The following CPAMD8 variants were observed in gnomAD, a reference collection of about 807,000 sequenced individuals.
The protein encoded by CPAMD8 is C3 and PZP-like alpha-2-macroglobulin domain-containing protein 8.
A neutral mutation model predicts 224.7 loss-of-function variants in CPAMD8; 146 were observed. The observed-to-expected ratio is 0.65, with a 90% confidence interval of 0.57 to 0.75. CPAMD8 has a LOEUF of 0.75. Ranked by LOEUF, CPAMD8 falls within the 30% of genes least tolerant of loss-of-function variation. CPAMD8 has a pLI of 0.00. For synonymous variants in CPAMD8, 966 were observed against 1,044.6 expected, an observed-to-expected ratio of 0.92 and a Z score of 1.45; for missense variants, 2,301 against 2,537.5, an observed-to-expected ratio of 0.91 and a Z score of 2.00.
At chr19:16,948,604 G>GGGCACCTGTAATCCCAGCTACTCAGGA (rs1407623088) in intron 20 of CPAMD8, among the ~76,000 whole-genome samples, 1 of 151,558 alleles carries the variant, frequency 6.6e-6, no homozygotes, top group East Asian at 1.9e-4. Flanking sequence ...GCGTAGTGCT[G>GGGCACCTGTAATCCCAGCTACTCAGGA]GGCACCTGTA....
chr19:17,002,427 G>T, intron 8 of CPAMD8, 77 bp from the exon 9 acceptor site: 1 of 930,528 alleles, frequency 1.1e-6, no homozygotes, highest in South Asian at 1.4e-5. Context: ...CCGGTGCAAG[G>T]TGTCTGAGGA....
rs1439089158 is a variant in CPAMD8, at chr19:17,011,720, A to C, written c.305T>G (p.Val102Gly). The change falls in exon 4 of 42, where the codon GTG becomes GGG. Residue 102 changes from valine (V) to glycine (G), a missense_variant. Around this residue, in one of 4 missense-constraint regions of CPAMD8, gnomAD observed 283 missense variants for 340.6 expected, o/e 0.83. Coordinates refer to ENST00000443236, the MANE Select transcript of CPAMD8 (RefSeq NM_015692.5). Reference sequence around the variant, plus strand: ...CTCCGCCTGCCAGCCGCGGCCCCACACTTTCAGAAGCGCTTGGCCCCGGAG... The same window carrying C: ...CTCCGCCTGCCAGCCGCGGCCCCACCCTTTCAGAAGCGCTTGGCCCCGGAG... ...TGLRGQALLK[V>G]WGRGWQAEEG... 6.2e-7 allele frequency: 1 copy of C among 1,613,992 alleles called. No homozygotes were observed. The highest frequency in any genetic ancestry group is 8.5e-7 in the Non-Finnish European group (1 of 1,179,996).
intron 17 of CPAMD8, among the ~76,000 whole-genome samples, chr19:16,972,631 T>C (rs2055105394): frequency 6.6e-6 from 1 of 152,102 alleles, no homozygotes; most frequent in Non-Finnish European, 1.5e-5. Context: ...AGACGGGGTT[T>C]CACTGTGTTA....
chr19:16,964,971 G>A (rs892890075), intron 18 of CPAMD8, among the ~76,000 whole-genome samples: 1 of 152,038 alleles, frequency 6.6e-6, no homozygotes, highest in Non-Finnish European at 1.5e-5. Context: ...ATGCAAAAAA[G>A]GTCTTCGGGC....
intron 20 of CPAMD8, among the ~76,000 whole-genome samples, chr19:16,950,439 A>C (rs904485422): frequency 6.6e-6 from 1 of 152,110 alleles, no homozygotes; most frequent in Non-Finnish European, 1.5e-5. Flanking sequence ...CTTGGATCTC[A>C]CATCCTGCAT....
chr19:16,898,059 C>T lies in CPAMD8; in HGVS notation c.4849-65G>A. ...GAGGCCCGGGGCGCTGAGCTCAGGC[C>T]CAGAACTGGCTGATTTCAGGGATAC... On this transcript the variant is annotated intron_variant, in intron 37 of 41. Coordinates refer to ENST00000443236, the MANE Select transcript of CPAMD8 (RefSeq NM_015692.5). The surrounding 1 kb of genome is among the most constrained non-coding windows in gnomAD (Gnocchi z 4.2). 1 of 1,151,614 alleles carries T rather than the reference C, an allele frequency of 8.7e-7. No homozygotes were observed. The highest frequency in any genetic ancestry group is 1.2e-6 in the Non-Finnish European group (1 of 805,402). 71.3% of individuals were successfully genotyped at this position (1,151,614 alleles called of 1,614,324 possible). A position where few individuals can be genotyped will look rare whatever the true frequency, so the allele number is the denominator to read the frequency against.
chr19:16,958,596 C>T (rs2054548393), intron 18 of CPAMD8, among the ~76,000 whole-genome samples: 1 of 152,040 alleles, frequency 6.6e-6, no homozygotes, highest in African/African-American at 2.4e-5. Flanking sequence ...GTGCATGGGT[C>T]TTTATGGTAG....
intron 19 of CPAMD8, among the ~76,000 whole-genome samples, chr19:16,953,289 T>C (rs1329903833): frequency 2.0e-5 from 3 of 148,508 alleles, no homozygotes; most frequent in South Asian, 2.1e-4. Flanking sequence ...AAAAGCTTCA[T>C]GACATTGGGT....
At chr19:16,931,500 G>A (rs1004411939) in intron 23 of CPAMD8, among the ~76,000 whole-genome samples, 4 of 152,128 alleles carry the variant, frequency 2.6e-5, no homozygotes, top group Non-Finnish European at 4.4e-5. Flanking sequence ...GGAGCCGGAG[G>A]GTCATCTCAC....
chr19:16,999,201 G>C (rs1297412680), intron 10 of CPAMD8, among the ~76,000 whole-genome samples: 1 of 152,102 alleles, frequency 6.6e-6, no homozygotes, highest in East Asian at 1.9e-4. Context: ...TCTGCAAAAG[G>C]ACATGAAGGA....
chr19:16,980,949 C>T (rs1444110634), intron 13 of CPAMD8, among the ~76,000 whole-genome samples: 2 of 152,084 alleles, frequency 1.3e-5, no homozygotes, highest in African/African-American at 4.8e-5. Context: ...GATTCTCCTG[C>T]CTCAGCCTCC....
intron 22 of CPAMD8, among the ~76,000 whole-genome samples, chr19:16,943,010 T>C (rs945174978): frequency 5.6e-5 from 5 of 88,572 alleles, no homozygotes; most frequent in East Asian, 2.3e-4. Flanking sequence ...TTTTCTTTTT[T>C]CTTTTTTTTT....
chr19:16,936,455 T>C (rs1481750045), intron 23 of CPAMD8, among the ~76,000 whole-genome samples: 1 of 152,224 alleles, frequency 6.6e-6, no homozygotes, highest in East Asian at 1.9e-4. Flanking sequence ...CAGGCTGGAG[T>C]GCAGTGGCGC....
intron 13 of CPAMD8, among the ~76,000 whole-genome samples, chr19:16,981,659 T>C (rs369335979): frequency 5.3e-5 from 8 of 152,082 alleles, no homozygotes; most frequent in Admixed American, 1.3e-4. Flanking sequence ...CCCTAGGGGG[T>C]TGGCGTGTGG....
rs2051997649 is a variant in CPAMD8, at chr19:16,896,501, G to A, written c.5230C>T (p.Gln1744Ter). Residue 1744 changes from glutamine to a stop codon, truncating the protein, a stop_gained, in exon 40 of 42, where the codon CAG becomes TAG. Transcript: ENST00000443236. LOFTEE classifies it high-confidence loss of function. ...GGCGCGGGCTCCAGGGGCGCGGCCT[G>A]GCGGCAGGCGGCCTCCCGCAGGCGG... ...ACRLREAACR[Q>*]AAPLEPAPPS... The A allele has an allele frequency of 7.0e-7, 1 of 1,427,866 alleles. No homozygotes were observed. 88.4% of individuals were successfully genotyped at this position (1,427,866 alleles called of 1,614,324 possible). A position where few individuals can be genotyped will look rare whatever the true frequency, so the allele number is the denominator to read the frequency against.
At position 16,897,765 on chromosome 19, in the gene CPAMD8, T is replaced by C. The variant is rs762789597; in HGVS notation, c.4991A>G (p.His1664Arg). ...EATRFYNVST[H>R]SPLARELCAG... ...GCACAGTTCCCGGGCGAGTGGGCTG[T>C]GGGTGCTGACGTTGTAGAAGCGAGT... The change falls in exon 39 of 42, where the codon CAC becomes CGC. Residue 1664 changes from histidine to arginine, a missense_variant. Physicochemically the swap from His to Arg is conservative, Grantham distance 29 (BLOSUM62 0). This residue lies in a region of CPAMD8 where 1,709 missense variants were observed against 1,753.2 expected (regional missense o/e 0.97). Transcript: ENST00000443236. The C allele has an allele frequency of 3.2e-6, 5 of 1,585,538 alleles. No homozygotes were observed. Among genetic ancestry groups the C allele is most frequent in the Admixed American group, 3.7e-5 (2 of 54,506 alleles).
intron 3 of CPAMD8, among the ~76,000 whole-genome samples, chr19:17,019,431 G>C (rs1054841211): frequency 6.6e-6 from 1 of 152,104 alleles, no homozygotes; most frequent in Non-Finnish European, 1.5e-5. Flanking sequence ...CCAGTGGTGT[G>C]TGTCCTTTAA....
In CPAMD8 at chr19:16,904,610, C is replaced by G. The variant is rs7259450; in HGVS notation, c.4028-58G>C. On this transcript the variant is annotated intron_variant, in intron 30 of 41. Coordinates refer to ENST00000443236, the MANE Select transcript of CPAMD8 (RefSeq NM_015692.5). The stretch of plus-strand genomic sequence containing the variant: ...CCACCCAGTGTGTAGCCTGGCATCC[C>G]ATGGAGCGCATCCAAGCATGGGGTC... 9.6e-3 allele frequency: 11,241 copies of G among 1,170,622 alleles called. 409 individuals carry two copies. Among genetic ancestry groups the G allele is most frequent in the African/African-American group, 0.094 (6,218 of 66,386 alleles). The allele number at this position is 1,170,622 out of a possible 1,614,324, so 72.5% of individuals were successfully genotyped here.
intron 5 of CPAMD8, chr19:17,009,551 G>A: frequency 2.0e-6 from 1 of 488,332 alleles, no homozygotes; most frequent in East Asian, 4.0e-5. Flanking sequence ...AAGGCGGGTG[G>A]ATCACGAGGT....
Sources: allele counts gnomAD v4.1 joint callset (sites outside exome capture counted in the v4.1 genomes callset), GRCh38; gene constraint gnomAD v4.1.1; regional missense constraint gnomAD v4.1.1; non-coding constraint Gnocchi (gnomAD v3.1); transcripts MANE v1.5; gene names NCBI Gene and HGNC (gene_info 2026-07-23, HGNC 2026-07-21).